Variants in SCAF8 observed in about 807,000 individuals in gnomAD.
SCAF8 encodes the protein SR-related CTD associated factor 8.
In SCAF8, 23 loss-of-function variants were observed where a neutral mutation model predicts 140.5. The ratio of observed to expected loss-of-function variants is 0.16; its 90% CI spans 0.12 to 0.23. SCAF8 has a LOEUF of 0.23. Among genes scored for constraint, SCAF8 ranks in the 10% least tolerant of loss-of-function variants. The pLI, the probability that SCAF8 is intolerant of heterozygous loss-of-function variation, is 1.00. For synonymous variants in SCAF8, 575 were observed against 528.9 expected, an observed-to-expected ratio of 1.09 and a Z score of -1.20; for missense variants, 1,397 against 1,555.7, an observed-to-expected ratio of 0.90 and a Z score of 1.72.
At chr6:154,782,983 G>GT (rs1777128290) in intron 3 of SCAF8, among the ~76,000 whole-genome samples, 1 of 152,038 alleles carries the variant, frequency 6.6e-6, no homozygotes, top group Non-Finnish European at 1.5e-5. Flanking sequence ...ATCCAGTCAA[G>GT]TTGACACTCA....
At chr6:154,784,564 C>T (rs1777196513) in intron 3 of SCAF8, among the ~76,000 whole-genome samples, 1 of 152,046 alleles carries the variant, frequency 6.6e-6, no homozygotes, top group Non-Finnish European at 1.5e-5. Flanking sequence ...AAAAAATATT[C>T]CACGAAATTC....
At chr6:154,753,154 C>G (rs1778880968) in intron 1 of SCAF8, among the ~76,000 whole-genome samples, 1 of 151,804 alleles carries the variant, frequency 6.6e-6, no homozygotes, top group African/African-American at 2.4e-5. Flanking sequence ...CATGATGAAA[C>G]CCTGTCTCTA....
At chr6:154,734,123 G>C (rs929764331) in intron 1 of SCAF8, among the ~76,000 whole-genome samples, 193 bp downstream of exon 1, 2 of 152,204 alleles carry the variant, frequency 1.3e-5, no homozygotes, top group Non-Finnish European at 2.9e-5. Context: ...GAGGGTTGGG[G>C]GAGGGCCGCC....
Position 154,820,201 on chromosome 6 carries a change from G to T in SCAF8, c.1660G>T (p.Val554Leu). 3 of 1,603,682 alleles carry T rather than the reference G, an allele frequency of 1.9e-6. No individual in the cohort carries two copies. The highest frequency in any genetic ancestry group is 2.5e-6 in the Non-Finnish European group (3 of 1,177,214). The part of the protein sequence containing the change: ...IKIAWALNKG[V>L]KTEYKQFWDV... ...GATCGCTTGGGCTTTAAACAAAGGT[G>T]TAAAAACAGAATACAAACAATTCTG... The change falls in exon 15 of 20, where the codon GTA becomes TTA. Residue 554 changes from valine to leucine, a missense_variant. Transcript: ENST00000367178.
At chr6:154,797,608 A>G (rs1261316801) in intron 6 of SCAF8, among the ~76,000 whole-genome samples, 1 of 151,138 alleles carries the variant, frequency 6.6e-6, no homozygotes, top group East Asian at 1.9e-4. Context: ...GTTAGCCAGG[A>G]TGGTCTTGAT....
Position 154,742,102 on chromosome 6 carries a change from A to G in SCAF8, c.30+8172A>G, listed in dbSNP as rs1778584791. The G allele has an allele frequency of 8.8e-6, 8 of 904,006 alleles. No individual in the cohort carries two copies. In the East Asian group the frequency reaches 1.1e-4, roughly 12 times the overall value. 56.0% of individuals were successfully genotyped at this position (904,006 alleles called of 1,614,324 possible). On this transcript the variant is annotated intron_variant, in intron 1 of 19. Coordinates refer to ENST00000367178, the MANE Select transcript of SCAF8 (RefSeq NM_014892.5). ...GTAGTGGAATAGTGTATTTGATTAT[A>G]TGGTTAGTACTTGGGAAGCAGAATG...
intron 1 of SCAF8, among the ~76,000 whole-genome samples, chr6:154,752,394 C>G (rs1366625324): frequency 6.6e-6 from 1 of 152,056 alleles, no homozygotes; most frequent in Admixed American, 6.6e-5. Flanking sequence ...CTGACTACCT[C>G]TCAGTTGGTT....
At position 154,824,371 on chromosome 6, in the gene SCAF8, A is replaced by G; in HGVS notation, c.2064A>G (p.Pro688=). ...FLRASFNPSQ[P]PPGFMPPPVP... ...GAGCAAGTTTTAACCCTTCACAACC[A>G]CCACCTGGTAAGGAATTTTTGTTTT... Residue 688 remains proline, a synonymous_variant, in exon 17 of 20, where the codon CCA becomes CCG. Coordinates refer to ENST00000367178, the MANE Select transcript of SCAF8 (RefSeq NM_014892.5). 1 of 1,611,592 alleles carries G rather than the reference A, an allele frequency of 6.2e-7. No individual in the cohort carries two copies. Among genetic ancestry groups the G allele is most frequent in the Middle Eastern group, 1.7e-4 (1 of 6,058 alleles).
intron 18 of SCAF8, among the ~76,000 whole-genome samples, 196 bp from the exon 19 acceptor site, chr6:154,830,726 C>A (rs770893120): frequency 5.3e-5 from 8 of 151,942 alleles, no homozygotes; most frequent in Non-Finnish European, 8.8e-5. Flanking sequence ...GTTAGTTTTC[C>A]CTATTTTTGG....
At chr6:154,781,025 C>A (rs910868519) in intron 3 of SCAF8, among the ~76,000 whole-genome samples, 2 of 152,084 alleles carry the variant, frequency 1.3e-5, no homozygotes, top group African/African-American at 4.8e-5. Flanking sequence ...CACAGCCTCA[C>A]CAGCATCGGT....
At chr6:154,784,398 C>G (rs1777190622) in intron 3 of SCAF8, among the ~76,000 whole-genome samples, 1 of 151,948 alleles carries the variant, frequency 6.6e-6, no homozygotes, top group Non-Finnish European at 1.5e-5. Flanking sequence ...TCAAATATAT[C>G]TTAAGCTTAT....
Position 154,733,535 on chromosome 6 carries a change from G to C in SCAF8, c.-366G>C, listed in dbSNP as rs777534648. ...CAGGAGCCCGTCGGAGGAAGGGGCA[G>C]AAGGGAGTGGAGAGTGTAGGGGAAG... On this transcript the variant is annotated 5_prime_UTR_variant, in exon 1 of 20. Coordinates refer to ENST00000367178, the MANE Select transcript of SCAF8 (RefSeq NM_014892.5). 2 of 1,304,204 alleles carry C rather than the reference G, an allele frequency of 1.5e-6. No homozygotes were observed. The highest frequency in any genetic ancestry group is 9.7e-7 in the Non-Finnish European group (1 of 1,026,710). 80.8% of individuals were successfully genotyped at this position (1,304,204 alleles called of 1,614,324 possible).
At chr6:154,794,781 GTGTGTGTGTGTGTGTGTGTGTGT>G (rs1777546500) in intron 5 of SCAF8, among the ~76,000 whole-genome samples, 1 of 7,526 alleles carries the variant, frequency 1.3e-4, no homozygotes, top group Non-Finnish European at 2.5e-4. Context: ...GGTGTGGGGG[GTGTGTGTGTGTGTGTGTGTGTGT>G]GTGTGTGTGT....
chr6:154,825,249 G>C (rs1044759136), intron 17 of SCAF8: 3 of 152,152 alleles, frequency 2.0e-5, no homozygotes, highest in African/African-American at 4.8e-5. Flanking sequence ...TATCATTCCA[G>C]TTTTAGGGTA....
In SCAF8 at chr6:154,810,374, A is replaced by G. The variant is rs201742742; in HGVS notation, c.1420+166A>G. Among the ~76,000 whole-genome samples the G allele has an allele frequency of 1.4e-4, 21 of 150,374 alleles. No individual in the cohort carries two copies. The South Asian group carries it at 3.4e-3, about 24-fold the overall frequency. ...GTAACATGATAGAGAAGAGAAGAAG[A>G]AGGAAGAACAGATTCCATTCAAATA... On this transcript the variant is annotated intron_variant, in intron 12 of 19. Transcript: ENST00000367178.
rs149700723 is a variant in SCAF8 at position 154,767,971 on chromosome 6, C to G, written c.31-6018C>G. Among the ~76,000 whole-genome samples the G allele has an allele frequency of 3.8e-3, 585 of 152,160 alleles. 5 individuals are homozygous for G. Among genetic ancestry groups the G allele is most frequent in the South Asian group, 0.022 (105 of 4,822 alleles). On this transcript the variant is annotated intron_variant, in intron 1 of 19. Transcript: ENST00000367178. ...CTTTAAGGATCACATAATGACTTACCTTTTTCTCTAATCATATTAGAGTCT... is the reference window on the plus strand; with the variant it reads ...CTTTAAGGATCACATAATGACTTACGTTTTTCTCTAATCATATTAGAGTCT...
At chr6:154,826,282 C>CT (rs1778565885) in intron 17 of SCAF8, among the ~76,000 whole-genome samples, 2 of 151,912 alleles carry the variant, frequency 1.3e-5, no homozygotes, top group Non-Finnish European at 2.9e-5. Flanking sequence ...ACCATATAGG[C>CT]TTTATAAAGT....
chr6:154,782,800 C>T (rs1777123013), intron 3 of SCAF8, among the ~76,000 whole-genome samples: 1 of 152,016 alleles, frequency 6.6e-6, no homozygotes, highest in South Asian at 2.1e-4. Context: ...GAGGCTAGGC[C>T]AATCTCTCGT....
chr6:154,792,708 C>A, intron 4 of SCAF8, 115 bp from the exon 5 acceptor site: 3 of 639,576 alleles, frequency 4.7e-6, no homozygotes, highest in South Asian at 2.9e-5. Flanking sequence ...TAGAAAGTAC[C>A]ATTGAAGTAT....
Sources: allele counts gnomAD v4.1 joint callset (sites outside exome capture counted in the v4.1 genomes callset), GRCh38; gene constraint gnomAD v4.1.1; transcripts MANE v1.5; gene names NCBI Gene and HGNC (gene_info 2026-07-23, HGNC 2026-07-21).